The following NUP133 variants were observed in gnomAD, a reference collection of about 807,000 sequenced individuals.
NUP133 encodes nuclear pore complex protein Nup133.
A neutral mutation model predicts 146.2 loss-of-function variants in NUP133; 66 were observed. The ratio of observed to expected loss-of-function variants is 0.45; its 90% CI spans 0.37 to 0.55. The LOEUF (loss-of-function observed/expected upper bound fraction) is 0.55, where lower values mean the gene tolerates loss of function less well. Ranked by LOEUF, NUP133 falls within the 20% of genes least tolerant of loss-of-function variation. NUP133 has a pLI of 0.00. For missense variants in NUP133, 1,277 were observed against 1,374.8 expected (o/e 0.93, Z 1.12); for synonymous variants, 521 against 498.8 (o/e 1.04, Z -0.59).
chr1:229,441,639 C>T lies in NUP133; in HGVS notation c.*265G>A, dbSNP rs766367241. The T allele has an allele frequency of 4.9e-4, 186 of 376,038 alleles. No homozygotes were observed. Among genetic ancestry groups the T allele is most frequent in the Non-Finnish European group, 8.0e-4 (160 of 198,920 alleles). The allele number at this position is 376,038 out of a possible 1,614,324, so 23.3% of individuals were successfully genotyped here. ...TAGAACCAGGACAAGAACTCCAGAA[C>T]CTGGGACCACGTGAGAGTAAAAAGA... On this transcript the variant is annotated 3_prime_UTR_variant, in exon 26 of 26. Coordinates refer to ENST00000261396, the MANE Select transcript of NUP133 (RefSeq NM_018230.3).
intron 25 of NUP133, among the ~76,000 whole-genome samples, chr1:229,444,542 C>T (rs1285122479): frequency 6.6e-6 from 1 of 151,596 alleles, no homozygotes; most frequent in Non-Finnish European, 1.5e-5. Context: ...AATACTAATG[C>T]TTGGAGATCA....
intron 9 of NUP133, among the ~76,000 whole-genome samples, chr1:229,488,248 A>G (rs1272106848): frequency 1.3e-5 from 2 of 152,210 alleles, no homozygotes; most frequent in African/African-American, 4.8e-5. Context: ...TGAAAGCACT[A>G]AAATTCGTTA....
chr1:229,497,624 A>G (rs4925496), intron 6 of NUP133, among the ~76,000 whole-genome samples: 38,618 of 152,140 alleles, frequency 0.25, 5,078 homozygotes, highest in Admixed American at 0.28. Flanking sequence ...GCGGGAAAGC[A>G]TGCTACCTTA....
In NUP133 at chr1:229,449,159, A is replaced by C. The variant is rs1660384388; in HGVS notation, c.3212T>G (p.Leu1071Arg). ...EEDININDLK[L>R]EILCKALQRD... ...CTGAAGAGCTTTGCAAAGGATTTCC[A>C]GTTTTAGATCATTTATATTTATATC... Residue 1071 changes from leucine (L) to arginine (R), a missense_variant, in exon 24 of 26, where the codon CTG (leucine) becomes CGG (arginine). By Grantham distance (102) the Leu-to-Arg change is moderately radical (BLOSUM62 -2). Coordinates refer to ENST00000261396, the MANE Select transcript of NUP133 (RefSeq NM_018230.3). 1 of 1,612,052 alleles carries C rather than the reference A, an allele frequency of 6.2e-7. No individual in the cohort carries two copies. Among genetic ancestry groups the C allele is most frequent in the East Asian group, 2.2e-5 (1 of 44,870 alleles).
intron 14 of NUP133, among the ~76,000 whole-genome samples, chr1:229,474,200 C>G (rs1249285860): frequency 6.6e-6 from 1 of 152,154 alleles, no homozygotes; most frequent in Non-Finnish European, 1.5e-5. Flanking sequence ...TGCAGACCCT[C>G]CAGCTCAGTG....
intron 11 of NUP133, among the ~76,000 whole-genome samples, chr1:229,485,416 G>A (rs1047024629): frequency 2.0e-5 from 3 of 152,132 alleles, no homozygotes. Flanking sequence ...CAGAACTCCT[G>A]GAGTGTGTAA....
At chr1:229,492,541 G>A (rs139565280) in intron 8 of NUP133, among the ~76,000 whole-genome samples, 84 of 152,056 alleles carry the variant, frequency 5.5e-4, no homozygotes, top group African/African-American at 1.7e-3. Context: ...ATCCTAGCAC[G>A]GCTCATTTTC....
intron 2 of NUP133, among the ~76,000 whole-genome samples, chr1:229,502,797 TA>T (rs776726500): frequency 0.046 from 5,705 of 124,904 alleles, 323 homozygotes; most frequent in African/African-American, 0.14. Context: ...CTCTCTCTCT[TA>T]AAAAAAAAAA....
chr1:229,453,794 T>C (rs1660506866), intron 21 of NUP133, among the ~76,000 whole-genome samples: 1 of 152,238 alleles, frequency 6.6e-6, no homozygotes, highest in South Asian at 2.1e-4. Flanking sequence ...AATGGTGCTA[T>C]GTGAGGTCTG....
chr1:229,444,265 A>G (rs1660255039), intron 25 of NUP133, among the ~76,000 whole-genome samples: 1 of 152,008 alleles, frequency 6.6e-6, no homozygotes, highest in South Asian at 2.1e-4. Context: ...CAGGAGGTGG[A>G]GGTTGTAGTA....
intron 8 of NUP133, among the ~76,000 whole-genome samples, chr1:229,494,476 C>T (rs1360023150): frequency 1.3e-5 from 2 of 152,116 alleles, no homozygotes; most frequent in Non-Finnish European, 2.9e-5. Context: ...TACTCTAAAA[C>T]TCATAAAAAA....
chr1:229,480,442 C>T (rs1398062044), intron 12 of NUP133, among the ~76,000 whole-genome samples: 1 of 152,014 alleles, frequency 6.6e-6, no homozygotes. Flanking sequence ...AAAAAGTTCC[C>T]CAAAACTCTC....
intron 14 of NUP133, among the ~76,000 whole-genome samples, chr1:229,472,729 T>C (rs929884241): frequency 4.7e-5 from 7 of 147,844 alleles, no homozygotes; most frequent in African/African-American, 1.8e-4. Flanking sequence ...TATATATATG[T>C]ACAATCATTC....
chr1:229,497,557 C>T (rs532384837), intron 6 of NUP133, among the ~76,000 whole-genome samples: 100 of 152,320 alleles, frequency 6.6e-4, no homozygotes, highest in African/African-American at 2.3e-3. Context: ...CCAGCTCTGC[C>T]ACTCAGCAGT....
intron 2 of NUP133, among the ~76,000 whole-genome samples, chr1:229,504,620 C>T (rs1661888067): frequency 6.6e-6 from 1 of 152,268 alleles, no homozygotes; most frequent in South Asian, 2.1e-4. Context: ...GGAGGTAGGA[C>T]TTGATTTTAC....
At chr1:229,495,586 T>C (rs548068236) in intron 7 of NUP133, 21 bp from the exon 8 acceptor site, 4 of 1,524,792 alleles carry the variant, frequency 2.6e-6, no homozygotes, top group East Asian at 4.5e-5. Context: ...ATATCAATAA[T>C]GTAAGCTTCT....
Position 229,502,086 on chromosome 1 carries a change from G to A in NUP133, c.318C>T (p.Thr106=), listed in dbSNP as rs889921799. ...CCCATCCACCTTCATCTATGTTAATGGTCAGCTGGTCATCGACTAAAGGAA... is the reference window on the plus strand; with the variant it reads ...CCCATCCACCTTCATCTATGTTAATAGTCAGCTGGTCATCGACTAAAGGAA... The part of the protein sequence containing the change: ...LTLAEVDDQL[T]INIDEGGWAC... The change falls in exon 3 of 26, where the codon ACC becomes ACT. Residue 106 remains threonine, a synonymous_variant. Coordinates refer to ENST00000261396, the MANE Select transcript of NUP133 (RefSeq NM_018230.3). 1.9e-6 allele frequency: 3 copies of A among 1,613,302 alleles called. No homozygotes were observed. Among genetic ancestry groups the A allele is most frequent in the Non-Finnish European group, 2.5e-6 (3 of 1,179,576 alleles).
chr1:229,472,318 C>CAT (rs1660975320), intron 14 of NUP133, among the ~76,000 whole-genome samples: 1 of 83,510 alleles, frequency 1.2e-5, no homozygotes, highest in Non-Finnish European at 2.6e-5. Flanking sequence ...GACTCCGTCT[C>CAT]AAAAAAAAAA....
At chr1:229,470,530 C>T (rs746650449) in intron 15 of NUP133, 50 bp downstream of exon 15, 22 of 1,437,462 alleles carry the variant, frequency 1.5e-5, no homozygotes, top group South Asian at 6.9e-5. Flanking sequence ...AGGGCATGAT[C>T]ACTAAATGGC....
Sources: gnomAD v4.1 joint callset for allele counts (sites outside exome capture counted in the v4.1 genomes callset) on GRCh38, gnomAD v4.1.1 for gene constraint, MANE v1.5 for transcripts, NCBI Gene and HGNC (gene_info 2026-07-23, HGNC 2026-07-21) for gene names.